The following DGKH variants were observed in gnomAD, a reference collection of about 807,000 sequenced individuals.
The protein encoded by DGKH is DAG kinase eta.
A neutral mutation model predicts 159.3 loss-of-function variants in DGKH; 90 were observed. The ratio of observed to expected loss-of-function variants is 0.57; its 90% CI spans 0.48 to 0.67. DGKH has a LOEUF of 0.67. Ranked by LOEUF, DGKH falls within the 30% of genes least tolerant of loss-of-function variation. The pLI is 0.00. For missense variants in DGKH, 1,181 were observed against 1,506.1 expected (o/e 0.78, Z 3.57); for synonymous variants, 536 against 553.8 (o/e 0.97, Z 0.45).
At chr13:42,114,251 C>T (rs1954923093) in intron 1 of DGKH, among the ~76,000 whole-genome samples, 1 of 152,090 alleles carries the variant, frequency 6.6e-6, no homozygotes, top group Admixed American at 6.6e-5. Flanking sequence ...AGGAGATGAC[C>T]CGCCACAAAA....
chr13:42,135,209 G>A (rs7327259), intron 3 of DGKH, among the ~76,000 whole-genome samples: 54,117 of 151,308 alleles, frequency 0.36, 10,115 homozygotes, highest in Non-Finnish European at 0.42. Context: ...TAATATATTT[G>A]TAGTTCAAGC....
In DGKH at chr13:42,239,336, A is replaced by G. The variant is rs1226748939; in HGVS notation, c.*10148A>G. ...GCTTTCAGAAAGCTTTTGAAAGATG[A>G]CACAGTTTTCATAGCAACAGTATGC... On this transcript the variant is annotated 3_prime_UTR_variant, in exon 30 of 30. Transcript: ENST00000337343. 1 of 152,614 alleles carries G rather than the reference A, an allele frequency of 6.6e-6. No individual in the cohort carries two copies. The highest frequency in any genetic ancestry group is 1.5e-5 in the Non-Finnish European group (1 of 68,012). The allele number at this position is 152,614 out of a possible 1,614,324, so 9.5% of individuals were successfully genotyped here.
At chr13:42,178,095 C>A in intron 12 of DGKH, 40 bp from the exon 13 acceptor site, 3 of 1,482,612 alleles carry the variant, frequency 2.0e-6, no homozygotes, top group South Asian at 1.3e-5. Context: ...TGTATAAATG[C>A]CAGCAACAAT....
chr13:42,120,557 G>A (rs181438180), intron 1 of DGKH, among the ~76,000 whole-genome samples: 1 of 151,946 alleles, frequency 6.6e-6, no homozygotes, highest in African/African-American at 2.4e-5. Context: ...ATCAAATTAC[G>A]CTGTTTCAAA....
chr13:42,207,691 G>GTATATATATA (rs1491101368), intron 21 of DGKH, among the ~76,000 whole-genome samples: 1 of 5,348 alleles, frequency 1.9e-4, no homozygotes, highest in African/African-American at 2.8e-4. Context: ...AATTATTAAA[G>GTATATATATA]TGTGTATATA....
At position 42,098,303 on chromosome 13, in the gene DGKH, A is replaced by G. The variant is rs145999258; in HGVS notation, c.193-29160A>G. Among the ~76,000 whole-genome samples the G allele has an allele frequency of 5.1e-3, 781 of 152,294 alleles. 24 individuals carry two copies. The East Asian group carries it at 0.083, about 16-fold the overall frequency. On this transcript the variant is annotated intron_variant, in intron 1 of 29. Coordinates refer to ENST00000337343, the MANE Select transcript of DGKH (RefSeq NM_178009.5). ...GAAGTTCAAGACCAGCCTGGCCAAC[A>G]TGGCGAAACCCTGTCTCTACTAAAA...
chr13:42,068,746 A>G (rs141870675), intron 1 of DGKH, among the ~76,000 whole-genome samples: 2 of 152,194 alleles, frequency 1.3e-5, no homozygotes, highest in South Asian at 4.1e-4. Flanking sequence ...TGCAAATGAC[A>G]TGTCAGTTAA....
intron 1 of DGKH, among the ~76,000 whole-genome samples, chr13:42,087,093 AGAG>A (rs1954322173): frequency 5.1e-5 from 7 of 137,502 alleles, no homozygotes; most frequent in African/African-American, 1.9e-4. Context: ...ACCTCAGAAC[AGAG>A]TAGGCACAAC....
At chr13:42,188,003 T>G (rs761113890) in intron 14 of DGKH, among the ~76,000 whole-genome samples, 2 of 152,232 alleles carry the variant, frequency 1.3e-5, no homozygotes, top group Non-Finnish European at 2.9e-5. Context: ...ATCTTGGGCT[T>G]GCAAAGGAAT....
At chr13:42,169,167 T>C (rs1047992538) in intron 11 of DGKH, among the ~76,000 whole-genome samples, 2 of 152,184 alleles carry the variant, frequency 1.3e-5, no homozygotes, top group Non-Finnish European at 2.9e-5. Context: ...TTTTGATGAG[T>C]ATGGTAGGTA....
rs149499757 is a variant in DGKH, at chr13:42,068,930, T to C, written c.192+19965T>C. 97 of 1,375,584 alleles carry C rather than the reference T, an allele frequency of 7.1e-5. No individual in the cohort carries two copies. In the African/African-American group the frequency reaches 1.0e-3, roughly 14 times the overall value. 85.2% of individuals were successfully genotyped at this position (1,375,584 alleles called of 1,614,324 possible). Reference sequence around the variant, plus strand: ...TACAAAGATAAATGTCTGCTGAGTGTTTTAGTTCAGATGTTCAGAATGCCG... The same window carrying C: ...TACAAAGATAAATGTCTGCTGAGTGCTTTAGTTCAGATGTTCAGAATGCCG... On this transcript the variant is annotated intron_variant, in intron 1 of 29. Coordinates refer to ENST00000337343, the MANE Select transcript of DGKH (RefSeq NM_178009.5).
At chr13:42,139,514 A>T (rs1351980910) in intron 3 of DGKH, among the ~76,000 whole-genome samples, 1 of 152,112 alleles carries the variant, frequency 6.6e-6, no homozygotes, top group Non-Finnish European at 1.5e-5. Context: ...GCCTGGTGTT[A>T]CCATGTTCCC....
chr13:42,229,371 G>A lies in DGKH; in HGVS notation c.*183G>A, dbSNP rs553763863. The A allele has an allele frequency of 2.8e-5, 15 of 540,178 alleles. No homozygotes were observed. The highest frequency in any genetic ancestry group is 1.4e-4 in the East Asian group (4 of 28,436). 33.5% of individuals were successfully genotyped at this position (540,178 alleles called of 1,614,324 possible). A position where few individuals can be genotyped will look rare whatever the true frequency, so the allele number is the denominator to read the frequency against. On this transcript the variant is annotated 3_prime_UTR_variant, in exon 30 of 30. Transcript: ENST00000337343. ...AGGTATTAGAAAATATTTTTGTGCC[G>A]AACAATACATTCCACAAAGCCATTT...
At chr13:42,096,476 TATCTA>T (rs1266390929) in intron 1 of DGKH, among the ~76,000 whole-genome samples, 1 of 152,236 alleles carries the variant, frequency 6.6e-6, no homozygotes, top group Admixed American at 6.5e-5. Flanking sequence ...ACATTTTCTT[TATCTA>T]ATCCACCATT....
chr13:42,045,782 G>GTT, upstream of DGKH, among the ~76,000 whole-genome samples: 2 of 152,292 alleles, frequency 1.3e-5, no homozygotes, highest in South Asian at 4.1e-4. Flanking sequence ...GCGTATTTAT[G>GTT]GCGTAATATT....
chr13:42,219,088 C>A, intron 26 of DGKH, 142 bp from the exon 27 acceptor site: 1 of 1,040,536 alleles, frequency 9.6e-7, no homozygotes, highest in Non-Finnish European at 1.3e-6. Flanking sequence ...AGAATTTATT[C>A]TTCTCTTAAT....
intron 1 of DGKH, among the ~76,000 whole-genome samples, chr13:42,106,390 C>T (rs1483151115): frequency 1.3e-5 from 2 of 152,138 alleles, no homozygotes; most frequent in Non-Finnish European, 1.5e-5. Flanking sequence ...AGCAAGCCTT[C>T]GAGTCCTGCC....
chr13:42,202,868 A>G (rs752393337), intron 20 of DGKH, among the ~76,000 whole-genome samples: 23 of 152,198 alleles, frequency 1.5e-4, no homozygotes, highest in Non-Finnish European at 2.8e-4. Context: ...TGCCCATAAT[A>G]TACGTAATTT....
rs1436779296 is a variant in DGKH at position 42,236,783 on chromosome 13, A to G, written c.*7595A>G. On this transcript the variant is annotated 3_prime_UTR_variant, in exon 30 of 30. Coordinates refer to ENST00000337343, the MANE Select transcript of DGKH (RefSeq NM_178009.5). Reference sequence around the variant, plus strand: ...CCAGGTGTGGTGGTGGGTGCCTGTAATCCCAGCTACTCAGGAGGCTGAGGC... The same window carrying G: ...CCAGGTGTGGTGGTGGGTGCCTGTAGTCCCAGCTACTCAGGAGGCTGAGGC... 5 of 152,272 alleles carry G rather than the reference A, an allele frequency of 3.3e-5. No individual in the cohort carries two copies. Among genetic ancestry groups the G allele is most frequent in the South Asian group, 2.1e-4 (1 of 4,830 alleles). The allele number at this position is 152,272 out of a possible 1,614,324, so 9.4% of individuals were successfully genotyped here.
Sources: gnomAD v4.1 joint callset for allele counts (sites outside exome capture counted in the v4.1 genomes callset) on GRCh38, gnomAD v4.1.1 for gene constraint, MANE v1.5 for transcripts, NCBI Gene and HGNC (gene_info 2026-07-23, HGNC 2026-07-21) for gene names.